MEMO1: variants seen among roughly 807,000 people sequenced by gnomAD.
MEMO1 encodes protein MEMO1.
MEMO1 carries 6 observed loss-of-function variants against 45.2 expected under a neutral mutation model. The observed-to-expected ratio is 0.13, with a 90% CI of 0.07 to 0.26. MEMO1 has a LOEUF of 0.26. Among genes scored for constraint, MEMO1 ranks in the 10% least tolerant of loss-of-function variants. MEMO1 has a pLI of 1.00. For missense variants in MEMO1, 184 were observed against 370.5 expected (o/e 0.50, Z 4.13); for synonymous variants, 78 against 124.3 (o/e 0.63, Z 2.48).
chr2:31,936,765 C>T (rs1249729493), intron 3 of MEMO1, among the ~76,000 whole-genome samples: 1 of 152,200 alleles, frequency 6.6e-6, no homozygotes, highest in African/African-American at 2.4e-5. Context: ...GAGTCTACCA[C>T]ACATTCTATG....
intron 2 of MEMO1, among the ~76,000 whole-genome samples, chr2:31,988,963 T>C (rs1184450006): frequency 2.6e-5 from 4 of 152,096 alleles, no homozygotes; most frequent in African/African-American, 9.7e-5. Flanking sequence ...TCCCAGCACT[T>C]TGAGAGGCCA....
chr2:31,966,010 C>T (rs1429484068), intron 2 of MEMO1, among the ~76,000 whole-genome samples: 1 of 152,094 alleles, frequency 6.6e-6, no homozygotes, highest in Admixed American at 6.6e-5. Flanking sequence ...AAAACACTTA[C>T]TTTATATGGA....
Position 31,887,615 on chromosome 2 carries a change from C to T in MEMO1, c.581-4153G>A, listed in dbSNP as rs146941230. On this transcript the variant is annotated intron_variant, in intron 7 of 9. Coordinates refer to ENST00000404530, the MANE Select transcript of MEMO1 (RefSeq NM_001301833.4). ...CATAAAGGAAATATTATGTAAGTAG[C>T]ATCAAATAAGGTAATCTCTTTTAAA... is the stretch of plus-strand genomic sequence containing the variant. 3.6e-3 allele frequency among the ~76,000 whole-genome samples: 551 copies of T among 152,166 alleles called. 3 individuals carry two copies. Among genetic ancestry groups the T allele is most frequent in the Middle Eastern group, 0.017 (5 of 294 alleles).
chr2:31,930,812 T>C (rs1239918977), intron 4 of MEMO1, among the ~76,000 whole-genome samples: 1 of 127,976 alleles, frequency 7.8e-6, no homozygotes, highest in Non-Finnish European at 1.7e-5. Flanking sequence ...CGCCTGGCAA[T>C]TTTTTTTTTT....
At chr2:31,924,749 C>T (rs887928068) in intron 4 of MEMO1, among the ~76,000 whole-genome samples, 9 of 152,280 alleles carry the variant, frequency 5.9e-5, no homozygotes, top group African/African-American at 2.2e-4. Context: ...TTTTTGCTCT[C>T]TTTTTCTGTC....
intron 4 of MEMO1, among the ~76,000 whole-genome samples, chr2:31,926,869 A>G (rs1683194958): frequency 6.6e-6 from 1 of 150,440 alleles, no homozygotes; most frequent in African/African-American, 2.4e-5. Flanking sequence ...AAAATAAACA[A>G]AACAAAACAA....
chr2:31,939,660 T>G (rs917023893), intron 3 of MEMO1, among the ~76,000 whole-genome samples: 9 of 152,198 alleles, frequency 5.9e-5, no homozygotes, highest in African/African-American at 2.2e-4. Context: ...GAAATTATTA[T>G]TAATCCATTG....
At chr2:31,958,256 A>G (rs1054492591) in intron 2 of MEMO1, among the ~76,000 whole-genome samples, 2 of 152,018 alleles carry the variant, frequency 1.3e-5, no homozygotes, top group African/African-American at 2.4e-5. Context: ...CTTTGCTTTT[A>G]AAGTTGTTGG....
chr2:32,001,090 G>A (rs1026301279), intron 2 of MEMO1, among the ~76,000 whole-genome samples: 3 of 143,178 alleles, frequency 2.1e-5, no homozygotes, highest in East Asian at 2.1e-4. Flanking sequence ...CCAGGCGGGA[G>A]TGCAGTGGCG....
intron 2 of MEMO1, among the ~76,000 whole-genome samples, chr2:31,961,402 G>A (rs1667990506): frequency 6.6e-6 from 1 of 151,790 alleles, no homozygotes; most frequent in Non-Finnish European, 1.5e-5. Context: ...AATCTGGGAG[G>A]ACATGAAAAA....
At chr2:32,006,964 C>CAAAAAA (rs67557055) in intron 2 of MEMO1, among the ~76,000 whole-genome samples, 26 of 75,950 alleles carry the variant, frequency 3.4e-4, no homozygotes, top group East Asian at 8.0e-4. Context: ...GATTCCATCT[C>CAAAAAA]AAAAAAAAAA....
chr2:32,009,067 A>G (rs1674461982), intron 2 of MEMO1, among the ~76,000 whole-genome samples: 1 of 152,204 alleles, frequency 6.6e-6, no homozygotes, highest in African/African-American at 2.4e-5. Flanking sequence ...TTGTTAACAT[A>G]CCAGAAATGT....
intron 2 of MEMO1, among the ~76,000 whole-genome samples, chr2:32,002,229 G>C (rs1440064920): frequency 7.3e-6 from 1 of 136,748 alleles, no homozygotes; most frequent in Non-Finnish European, 1.5e-5. Flanking sequence ...ACGTATATGT[G>C]TATATATACA....
intron 4 of MEMO1, among the ~76,000 whole-genome samples, chr2:31,931,723 C>T (rs748886695): frequency 1.3e-5 from 2 of 152,066 alleles, no homozygotes; most frequent in Non-Finnish European, 2.9e-5. Context: ...AATAAAGAAT[C>T]TTAAATTACG....
At chr2:31,932,642 T>TG (rs904399664) in intron 3 of MEMO1, among the ~76,000 whole-genome samples, 1 of 152,142 alleles carries the variant, frequency 6.6e-6, no homozygotes, top group African/African-American at 2.4e-5. Context: ...TCTCTGTTGC[T>TG]GAGGCTGGTC....
At chr2:31,985,887 G>C (rs978444543) in intron 2 of MEMO1, among the ~76,000 whole-genome samples, 1 of 152,168 alleles carries the variant, frequency 6.6e-6, no homozygotes, top group Non-Finnish European at 1.5e-5. Context: ...CCAACACTTT[G>C]GGAGGCCAAG....
At chr2:32,009,919 G>A (rs998740701) in intron 2 of MEMO1, among the ~76,000 whole-genome samples, 1 of 151,898 alleles carries the variant, frequency 6.6e-6, no homozygotes, top group African/African-American at 2.4e-5. Context: ...GCAGGCTGCC[G>A]AGGCGGCAAC....
chr2:31,880,910 G>C (rs1675261919), intron 8 of MEMO1, among the ~76,000 whole-genome samples: 1 of 152,048 alleles, frequency 6.6e-6, no homozygotes, highest in South Asian at 2.1e-4. Flanking sequence ...TATAGTCCCA[G>C]CTACTTGGGT....
In MEMO1 at chr2:31,892,657, A is replaced by G. The variant is rs184399924; in HGVS notation, c.438-523T>C. ...GGCTCCCGTAAGTTTTATCAACTGC[A>G]CTTTTACACTTATCCTAATGATCAG... On this transcript the variant is annotated intron_variant, in intron 6 of 9. Coordinates refer to ENST00000404530, the MANE Select transcript of MEMO1 (RefSeq NM_001301833.4). Among the ~76,000 whole-genome samples the G allele has an allele frequency of 5.9e-4, 90 of 152,346 alleles. 1 individual carries two copies. Among genetic ancestry groups the G allele is most frequent in the Non-Finnish European group, 8.8e-5 (6 of 68,026 alleles).
Sources: gnomAD v4.1 joint callset for allele counts (sites outside exome capture counted in the v4.1 genomes callset) on GRCh38, gnomAD v4.1.1 for gene constraint, MANE v1.5 for transcripts, NCBI Gene and HGNC (gene_info 2026-07-23, HGNC 2026-07-21) for gene names.